The following APOBEC3F variants were observed in gnomAD, a reference collection of about 807,000 sequenced individuals.
APOBEC3F encodes the protein apolipoprotein B mRNA editing enzyme catalytic subunit 3F.
Under a neutral mutation model 45.8 loss-of-function variants are expected in APOBEC3F, and 34 were observed. The ratio of observed to expected loss-of-function variants is 0.74; its 90% confidence interval spans 0.57 to 0.99. The LOEUF (loss-of-function observed/expected upper bound fraction) is 0.99. Ranked by LOEUF, APOBEC3F falls within the 50% of genes least tolerant of loss-of-function variation. APOBEC3F has a pLI of 0.00. For synonymous variants in APOBEC3F, 192 were observed against 174.4 expected, an observed-to-expected ratio of 1.10 and a Z score of -0.80; for missense variants, 459 against 474.1, an observed-to-expected ratio of 0.97 and a Z score of 0.30.
At position 39,054,635 on chromosome 22, in the gene APOBEC3F, A is replaced by T. The variant is rs933904827; in HGVS notation, c.*1940A>T. Among the ~76,000 whole-genome samples, 1 of 152,128 alleles carries T rather than the reference A, an allele frequency of 6.6e-6. No individual in the cohort carries two copies. On this transcript the variant is annotated 3_prime_UTR_variant, in exon 7 of 7. Coordinates refer to ENST00000308521, the MANE Select transcript of APOBEC3F (RefSeq NM_145298.6). ...CAGCGCCTAGCCCATTTCTCCTTTT[A>T]ATAGGACCTGTTGCTGTCTCTGTTC...
chr22:39,051,260 C>T (rs1037455239), intron 5 of APOBEC3F, among the ~76,000 whole-genome samples: 1 of 151,394 alleles, frequency 6.6e-6, no homozygotes, highest in Admixed American at 6.6e-5. Flanking sequence ...GAGGAACGGC[C>T]AGGTGCAGTG....
At chr22:39,043,991 C>T in intron 2 of APOBEC3F, 2 of 1,444,772 alleles carry the variant, frequency 1.4e-6, no homozygotes, top group South Asian at 3.0e-5. Flanking sequence ...CATCATTGCA[C>T]TCCAGCCTGG....
intron 4 of APOBEC3F, among the ~76,000 whole-genome samples, chr22:39,046,323 A>G (rs1354653178): frequency 1.3e-5 from 2 of 152,184 alleles, no homozygotes; most frequent in Non-Finnish European, 2.9e-5. Flanking sequence ...GAGGGTTTCA[A>G]CATATCAATG....
intron 4 of APOBEC3F, among the ~76,000 whole-genome samples, chr22:39,047,623 C>T (rs1367293876): frequency 6.6e-6 from 1 of 152,030 alleles, no homozygotes; most frequent in Non-Finnish European, 1.5e-5. Flanking sequence ...GTCTCTCTCC[C>T]CTCTGGTTCC....
chr22:39,042,311 T>TC lies in APOBEC3F; in HGVS notation c.18-626_18-625insC, dbSNP rs67677326. Among the ~76,000 whole-genome samples the TC allele has an allele frequency of 7.2e-3, 475 of 66,204 alleles. 1 individual carries two copies. Among genetic ancestry groups the TC allele is most frequent in the African/African-American group, 0.033 (431 of 13,000 alleles). The allele number at this position is 66,204 out of a possible 152,430, so 43.4% of individuals were successfully genotyped here. Reference sequence around the variant, plus strand: ...GGTGAATAGTTTTATTCTCTCTCTCTTTTTTTTTTTTTTTTTTGAGATGGA... The same window carrying TC: ...GGTGAATAGTTTTATTCTCTCTCTCTCTTTTTTTTTTTTTTTTTGAGATGGA... On this transcript the variant is annotated intron_variant, in intron 1 of 6. Coordinates refer to ENST00000308521, the MANE Select transcript of APOBEC3F (RefSeq NM_145298.6).
In APOBEC3F at chr22:39,053,316, C is replaced by T; in HGVS notation, c.*621C>T. 6.6e-6 allele frequency: 1 copy of T among 151,962 alleles called. No homozygotes were observed. Among genetic ancestry groups the T allele is most frequent in the Non-Finnish European group, 1.5e-5 (1 of 68,000 alleles). 9.4% of individuals were successfully genotyped at this position (151,962 alleles called of 1,614,324 possible). A position where few individuals can be genotyped will look rare whatever the true frequency, so the allele number is the denominator to read the frequency against. On this transcript the variant is annotated 3_prime_UTR_variant, in exon 7 of 7. Transcript: ENST00000308521. ...GGCGGCACAACCAAATCTTATTAAA[C>T]TCACCCTAGGCTGGCCGCGGTGACT... is the stretch of plus-strand genomic sequence containing the variant.
chr22:39,044,579 C>G (rs999908671), intron 2 of APOBEC3F, among the ~76,000 whole-genome samples: 1 of 152,034 alleles, frequency 6.6e-6, no homozygotes, highest in Non-Finnish European at 1.5e-5. Flanking sequence ...CTCCATGCCA[C>G]GGGGACAAGA....
chr22:39,044,807 G>T (rs1206580854), intron 2 of APOBEC3F, 134 bp from the exon 3 acceptor site: 2 of 825,206 alleles, frequency 2.4e-6, no homozygotes, highest in Admixed American at 2.8e-5. Context: ...AACTAAACAG[G>T]GGGGATGGAG....
chr22:39,043,073 A>G lies in APOBEC3F; in HGVS notation c.154A>G (p.Lys52Glu). ...KGPSRPRLDA[K>E]IFRGQVYSQP... is the part of the protein sequence containing the mutation. ...TCCCTCAAGGCCCCGTTTGGACGCA[A>G]AGATCTTTCGAGGCCAGGTACCACC... is the stretch of plus-strand genomic sequence containing the variant. Residue 52 changes from lysine (K) to glutamate (E), a missense_variant, in exon 2 of 7, where the codon AAG becomes GAG. By Grantham distance (56) the Lys-to-Glu change is moderately conservative. Coordinates refer to ENST00000308521, the MANE Select transcript of APOBEC3F (RefSeq NM_145298.6). 6.2e-7 allele frequency: 1 copy of G among 1,614,156 alleles called. No individual in the cohort carries two copies.
chr22:39,052,417 T>G (rs1402154427), intron 6 of APOBEC3F, 64 bp downstream of exon 6: 1 of 1,595,292 alleles, frequency 6.3e-7, no homozygotes, highest in Non-Finnish European at 8.6e-7. Flanking sequence ...CAGGTGTGTC[T>G]GCAATGCCGT....
intron 4 of APOBEC3F, among the ~76,000 whole-genome samples, chr22:39,046,552 C>G (rs1927231449): frequency 6.6e-6 from 1 of 152,136 alleles, no homozygotes; most frequent in African/African-American, 2.4e-5. Context: ...AAATCTGCCC[C>G]CAACAGGGAT....
At chr22:39,046,611 T>C (rs1927235523) in intron 4 of APOBEC3F, among the ~76,000 whole-genome samples, 1 of 151,882 alleles carries the variant, frequency 6.6e-6, no homozygotes, top group Admixed American at 6.6e-5. Flanking sequence ...AGGTCCCAAT[T>C]GAATAAGATT....
intron 4 of APOBEC3F, among the ~76,000 whole-genome samples, chr22:39,046,438 C>A (rs1409807205): frequency 6.6e-6 from 1 of 152,048 alleles, no homozygotes; most frequent in Non-Finnish European, 1.5e-5. Context: ...TGCCCTGACT[C>A]TCACAGCCCC....
rs1472768475 is a variant in APOBEC3F at position 39,045,216 on chromosome 22, TGAA to T, written c.449_451del (p.Glu151del). 1.2e-6 allele frequency: 2 copies of T among 1,613,734 alleles called. No homozygotes were observed. The highest frequency in any genetic ancestry group is 1.1e-5 in the South Asian group (1 of 91,056). On this transcript the variant is annotated inframe_deletion and splice_region_variant, in exon 3 of 7. Coordinates refer to ENST00000308521, the MANE Select transcript of APOBEC3F (RefSeq NM_145298.6). The stretch of plus-strand genomic sequence containing the variant: ...GGGCCCGCGTGAAGATTATGGACGA[TGAA>T]GGTGAGAGGTGGAGGGGTCAGGGGA...
intron 4 of APOBEC3F, 113 bp from the exon 5 acceptor site, chr22:39,049,312 C>A: frequency 7.7e-7 from 1 of 1,302,536 alleles, no homozygotes; most frequent in Non-Finnish European, 1.1e-6. Context: ...GTCTTTCTGC[C>A]TGGGAAAGCA....
At chr22:39,047,686 T>C (rs34997051) in intron 4 of APOBEC3F, among the ~76,000 whole-genome samples, 2 of 151,434 alleles carry the variant, frequency 1.3e-5, no homozygotes, top group Non-Finnish European at 2.9e-5. Flanking sequence ...TGGTCGCCCC[T>C]TTACAGCTTC....
At position 39,053,850 on chromosome 22, in the gene APOBEC3F, C is replaced by G. The variant is rs1211748098; in HGVS notation, c.*1155C>G. The G allele has an allele frequency of 1.3e-5, 2 of 152,178 alleles. No homozygotes were observed. Among genetic ancestry groups the G allele is most frequent in the African/African-American group, 4.8e-5 (2 of 41,436 alleles). 9.4% of individuals were successfully genotyped at this position (152,178 alleles called of 1,614,324 possible). ...TGCAAGCCTGACTCCTGAAACTGTGCATTGTACCCTGAAACCAGCTTTATC... is the reference window on the plus strand; with the variant it reads ...TGCAAGCCTGACTCCTGAAACTGTGGATTGTACCCTGAAACCAGCTTTATC... On this transcript the variant is annotated 3_prime_UTR_variant, in exon 7 of 7. Transcript: ENST00000308521.
Position 39,055,817 on chromosome 22 carries a change from G to A in APOBEC3F, c.*3122G>A, listed in dbSNP as rs147754784. On this transcript the variant is annotated 3_prime_UTR_variant, in exon 7 of 7. Transcript: ENST00000308521. ...CTGATGCATGTAGCCCCCCAGTCAC[G>A]TAGCCCACGCTTGCACAATCTATCA... 2.0e-4 allele frequency among the ~76,000 whole-genome samples: 31 copies of A among 152,052 alleles called. No homozygotes were observed. In the East Asian group the frequency reaches 4.8e-3, roughly 24 times the overall value.
intron 6 of APOBEC3F, 72 bp downstream of exon 6, chr22:39,052,425 C>G: frequency 6.3e-7 from 1 of 1,590,792 alleles, no homozygotes; most frequent in South Asian, 1.2e-5. Flanking sequence ...TCTGCAATGC[C>G]GTGGGGCGGG....
Sources: allele counts gnomAD v4.1 joint callset (sites outside exome capture counted in the v4.1 genomes callset), GRCh38; gene constraint gnomAD v4.1.1; transcripts MANE v1.5; gene names NCBI Gene and HGNC (gene_info 2026-07-23, HGNC 2026-07-21).